CSNK1G1: variants seen among roughly 807,000 people sequenced by gnomAD.
The protein encoded by CSNK1G1 is casein kinase 1 gamma 1, also known as casein kinase I isoform gamma-1.
In CSNK1G1, 22 loss-of-function variants were observed where a neutral mutation model predicts 59.6. That is an observed-to-expected ratio of 0.37 (90% CI 0.26 to 0.53). CSNK1G1 has a LOEUF of 0.53. CSNK1G1 is among the 20% of genes least tolerant of loss of function. The pLI is 0.89. For synonymous variants in CSNK1G1, 179 were observed against 177.1 expected, an observed-to-expected ratio of 1.01 and a Z score of -0.08; for missense variants, 384 against 519.5, an observed-to-expected ratio of 0.74 and a Z score of 2.54.
chr15:64,351,464 G>A (rs747521984), intron 1 of CSNK1G1, among the ~76,000 whole-genome samples: 9 of 152,196 alleles, frequency 5.9e-5, no homozygotes, highest in East Asian at 1.9e-4. Context: ...TCCTTGGAAC[G>A]GCCACAGACT....
At chr15:64,180,316 G>T in intron 11 of CSNK1G1, 32 bp downstream of exon 11, 2 of 1,526,856 alleles carry the variant, frequency 1.3e-6, no homozygotes, top group South Asian at 1.1e-5. Context: ...TTCAACCCAT[G>T]ACTTAAGAGC....
chr15:64,218,319 G>C (rs370729634), intron 4 of CSNK1G1, among the ~76,000 whole-genome samples: 1 of 152,044 alleles, frequency 6.6e-6, no homozygotes, highest in East Asian at 1.9e-4. Context: ...TCTCTCGAGG[G>C]TAGGTCTCAC....
chr15:64,313,600 G>A (rs564701940), intron 1 of CSNK1G1, among the ~76,000 whole-genome samples: 1 of 152,024 alleles, frequency 6.6e-6, no homozygotes, highest in African/African-American at 2.4e-5. Context: ...GGGCCTGTTG[G>A]GGGGTGTGGG....
At chr15:64,192,358 G>T (rs2081983471) in intron 10 of CSNK1G1, among the ~76,000 whole-genome samples, 1 of 152,222 alleles carries the variant, frequency 6.6e-6, no homozygotes, top group African/African-American at 2.4e-5. Context: ...AAAATTTTCA[G>T]TCGTGATTGC....
chr15:64,190,645 C>T (rs1443906452), intron 10 of CSNK1G1, among the ~76,000 whole-genome samples: 1 of 152,010 alleles, frequency 6.6e-6, no homozygotes, highest in Non-Finnish European at 1.5e-5. Context: ...AACTCCCGAC[C>T]TCAGGTGATC....
chr15:64,195,529 A>T (rs1291920064), intron 10 of CSNK1G1, among the ~76,000 whole-genome samples: 1 of 152,270 alleles, frequency 6.6e-6, no homozygotes, highest in Non-Finnish European at 1.5e-5. Flanking sequence ...TCAATGCAAC[A>T]GTCTACATTT....
chr15:64,222,595 A>G (rs1169097391), intron 4 of CSNK1G1, among the ~76,000 whole-genome samples: 1 of 151,956 alleles, frequency 6.6e-6, no homozygotes, highest in Non-Finnish European at 1.5e-5. Flanking sequence ...TTATGAAATA[A>G]CGTGTGGCAC....
At chr15:64,242,715 T>A (rs963964452) in intron 4 of CSNK1G1, among the ~76,000 whole-genome samples, 1 of 152,168 alleles carries the variant, frequency 6.6e-6, no homozygotes, top group African/African-American at 2.4e-5. Flanking sequence ...AGGAGAAAAT[T>A]CTTCCAAACT....
At chr15:64,181,389 C>A (rs2081811359) in intron 10 of CSNK1G1, 3 of 1,535,414 alleles carry the variant, frequency 2.0e-6, no homozygotes, top group East Asian at 4.9e-5. Context: ...GGAAAAGGGG[C>A]CTCACTGCTG....
chr15:64,196,110 G>T (rs2082035647), intron 10 of CSNK1G1, among the ~76,000 whole-genome samples: 1 of 152,068 alleles, frequency 6.6e-6, no homozygotes, highest in African/African-American at 2.4e-5. Context: ...CCAGCTGTTT[G>T]GGAGGCTGGG....
intron 4 of CSNK1G1, among the ~76,000 whole-genome samples, chr15:64,222,436 C>G (rs12899354): frequency 4.4e-5 from 5 of 114,658 alleles, no homozygotes; most frequent in Non-Finnish European, 8.6e-5. Context: ...AACAACACCA[C>G]CAAAAAAAAA....
At chr15:64,181,560 G>T in intron 10 of CSNK1G1, 3 of 878,110 alleles carry the variant, frequency 3.4e-6, no homozygotes, top group Non-Finnish European at 5.0e-6. Flanking sequence ...AAATGTATGA[G>T]ACTGTCTAGT....
chr15:64,257,194 G>C (rs1049613137), intron 3 of CSNK1G1, among the ~76,000 whole-genome samples: 1 of 151,480 alleles, frequency 6.6e-6, no homozygotes, highest in African/African-American at 2.4e-5. Context: ...ATACAAAGCA[G>C]AATAAAAGTT....
intron 1 of CSNK1G1, among the ~76,000 whole-genome samples, chr15:64,320,678 C>CAAAAAA (rs1031206646): frequency 4.9e-4 from 21 of 42,774 alleles, no homozygotes; most frequent in East Asian, 1.9e-3. Flanking sequence ...GGCTCCATCA[C>CAAAAAA]AAAAAAAAAA....
At chr15:64,229,927 T>A (rs1276472575) in intron 4 of CSNK1G1, among the ~76,000 whole-genome samples, 2 of 112,488 alleles carry the variant, frequency 1.8e-5, no homozygotes, top group Admixed American at 9.2e-5. Context: ...TTTTTTTTTT[T>A]TTTTTTTTTT....
intron 1 of CSNK1G1, among the ~76,000 whole-genome samples, chr15:64,351,276 C>T (rs188871439): frequency 3.3e-5 from 5 of 152,234 alleles, no homozygotes; most frequent in Admixed American, 2.0e-4. Context: ...GATTGTATAG[C>T]GCCAATAAAT....
chr15:64,178,147 A>C (rs2081763005), intron 11 of CSNK1G1, among the ~76,000 whole-genome samples: 1 of 152,176 alleles, frequency 6.6e-6, no homozygotes, highest in Non-Finnish European at 1.5e-5. Context: ...ATGACTCCAA[A>C]GTGCAGCCAG....
In CSNK1G1 at chr15:64,204,512, G is replaced by C; in HGVS notation, c.928C>G (p.Leu310Val). The C allele has an allele frequency of 6.2e-7, 1 of 1,613,844 alleles. No individual in the cohort carries two copies. Among genetic ancestry groups the C allele is most frequent in the Non-Finnish European group, 8.5e-7 (1 of 1,179,862 alleles). The part of the protein sequence containing the change: ...EKPDYEYLRT[L>V]FTDLFEKKGY... ...TTCTTTTCAAAGAGGTCTGTGAAGA[G>C]GGTCCGTAAATACTCATAATCAGGT... is the stretch of plus-strand genomic sequence containing the variant. Residue 310 changes from leucine to valine, a missense_variant, in exon 9 of 12, where the codon CTC (leucine) becomes GTC (valine). This residue lies in a region of CSNK1G1 where 325 missense variants were observed against 440.9 expected (regional missense o/e 0.74). Transcript: ENST00000303052.
At chr15:64,234,313 A>G (rs1033957362) in intron 4 of CSNK1G1, among the ~76,000 whole-genome samples, 1 of 152,166 alleles carries the variant, frequency 6.6e-6, no homozygotes, top group African/African-American at 2.4e-5. Context: ...AAATAAAATT[A>G]GGTTGCTGTT....
Sources: gnomAD v4.1 joint callset for allele counts (sites outside exome capture counted in the v4.1 genomes callset) on GRCh38, gnomAD v4.1.1 for gene constraint, gnomAD v4.1.1 regional missense constraint, MANE v1.5 for transcripts, NCBI Gene and HGNC (gene_info 2026-07-23, HGNC 2026-07-21) for gene names.